UBE2E2: variants seen among roughly 807,000 people sequenced by gnomAD.
UBE2E2 encodes the protein ubiquitin-conjugating enzyme E2 E2.
A neutral mutation model predicts 24.7 loss-of-function variants in UBE2E2; 6 were observed. The ratio of observed to expected loss-of-function variants is 0.24; its 90% CI spans 0.13 to 0.48. UBE2E2 has a LOEUF of 0.48. Among genes scored for constraint, UBE2E2 ranks in the 20% least tolerant of loss-of-function variants. The pLI, the probability that UBE2E2 is intolerant of heterozygous loss-of-function variation, is 0.99. For synonymous variants in UBE2E2, 104 were observed against 83.6 expected (o/e 1.24, Z -1.33); for missense variants, 169 against 245.0 (o/e 0.69, Z 2.07).
At chr3:23,222,293 G>A (rs1696670602) in intron 3 of UBE2E2, among the ~76,000 whole-genome samples, 2 of 152,248 alleles carry the variant, frequency 1.3e-5, no homozygotes, top group Middle Eastern at 6.8e-3. Context: ...TATTGTGAAT[G>A]GTACTTGGGT....
At chr3:23,505,162 C>T (rs1408590181) in intron 4 of UBE2E2, among the ~76,000 whole-genome samples, 1 of 149,854 alleles carries the variant, frequency 6.7e-6, no homozygotes, top group Admixed American at 6.7e-5. Context: ...CTCAAGCAGT[C>T]TGCGCACTTT....
At chr3:23,539,862 A>T (rs1199855247) in intron 5 of UBE2E2, among the ~76,000 whole-genome samples, 1 of 152,302 alleles carries the variant, frequency 6.6e-6, no homozygotes, top group South Asian at 2.1e-4. Context: ...AATTTTAAGT[A>T]CATATAGGAA....
chr3:23,442,299 T>TAA (rs879794239), intron 3 of UBE2E2, among the ~76,000 whole-genome samples: 1 of 147,688 alleles, frequency 6.8e-6, no homozygotes, highest in African/African-American at 2.5e-5. Context: ...TTTCTAAATT[T>TAA]AAAAAAAAAA....
At chr3:23,435,791 G>A (rs1296408529) in intron 3 of UBE2E2, among the ~76,000 whole-genome samples, 2 of 152,148 alleles carry the variant, frequency 1.3e-5, no homozygotes, top group African/African-American at 4.8e-5. Flanking sequence ...TTCGCTAGGG[G>A]CCTTTATTCA....
At chr3:23,420,570 C>T (rs1697771472) in intron 3 of UBE2E2, among the ~76,000 whole-genome samples, 1 of 152,168 alleles carries the variant, frequency 6.6e-6, no homozygotes, top group Non-Finnish European at 1.5e-5. Flanking sequence ...ATGTCAGTGA[C>T]TGTTTCTTGT....
At chr3:23,581,568 C>T (rs183714523) in intron 5 of UBE2E2, among the ~76,000 whole-genome samples, 5 of 152,288 alleles carry the variant, frequency 3.3e-5, no homozygotes, top group South Asian at 4.1e-4. Flanking sequence ...CCATTATTCT[C>T]CCCATTTTGC....
chr3:23,569,578 T>C (rs1185687872), intron 5 of UBE2E2, among the ~76,000 whole-genome samples: 1 of 152,198 alleles, frequency 6.6e-6, no homozygotes, highest in African/African-American at 2.4e-5. Context: ...TAGAGCTTTT[T>C]GCAGTGGTAT....
chr3:23,278,991 C>A (rs1698429009), intron 3 of UBE2E2, among the ~76,000 whole-genome samples: 1 of 152,010 alleles, frequency 6.6e-6, no homozygotes, highest in South Asian at 2.1e-4. Flanking sequence ...ATTATCCCTT[C>A]TTTACTGTTC....
At chr3:23,477,883 A>C (rs182286580) in intron 3 of UBE2E2, among the ~76,000 whole-genome samples, 1 of 152,306 alleles carries the variant, frequency 6.6e-6, no homozygotes, top group Non-Finnish European at 1.5e-5. Flanking sequence ...AGTTCTCACA[A>C]GATCTAATGG....
chr3:23,264,820 A>G (rs898417685), intron 3 of UBE2E2, among the ~76,000 whole-genome samples: 1 of 152,208 alleles, frequency 6.6e-6, no homozygotes, highest in Non-Finnish European at 1.5e-5. Flanking sequence ...AATTGTATTC[A>G]TATTATTAAG....
intron 3 of UBE2E2, among the ~76,000 whole-genome samples, chr3:23,480,511 C>T (rs920217885): frequency 2.6e-5 from 4 of 152,122 alleles, no homozygotes; most frequent in Non-Finnish European, 2.9e-5. Context: ...ATCCCAGCCC[C>T]GACCGGTTCC....
chr3:23,353,859 G>C (rs1017145341), intron 3 of UBE2E2, among the ~76,000 whole-genome samples: 17 of 152,252 alleles, frequency 1.1e-4, no homozygotes, highest in South Asian at 8.3e-4. Context: ...CTACCAATGA[G>C]TTTCTTCACA....
intron 3 of UBE2E2, among the ~76,000 whole-genome samples, chr3:23,310,992 T>C (rs1037532115): frequency 3.3e-5 from 5 of 152,126 alleles, no homozygotes; most frequent in Non-Finnish European, 5.9e-5. Flanking sequence ...TATCTCCTAG[T>C]GCTATCCCTC....
chr3:23,217,882 G>A (rs1696521811), intron 3 of UBE2E2, among the ~76,000 whole-genome samples: 1 of 152,026 alleles, frequency 6.6e-6, no homozygotes, highest in Non-Finnish European at 1.5e-5. Flanking sequence ...AAAGAAAAGT[G>A]CTTACCTGGA....
At chr3:23,292,859 G>A (rs1433698547) in intron 3 of UBE2E2, among the ~76,000 whole-genome samples, 1 of 152,028 alleles carries the variant, frequency 6.6e-6, no homozygotes, top group Non-Finnish European at 1.5e-5. Context: ...GGATCACCTG[G>A]GGTCAGGGGT....
chr3:23,293,438 G>A (rs1236872258), intron 3 of UBE2E2, among the ~76,000 whole-genome samples: 1 of 152,106 alleles, frequency 6.6e-6, no homozygotes, highest in Non-Finnish European at 1.5e-5. Flanking sequence ...TATTGTGTCT[G>A]GCATATAGTA....
Position 23,477,810 on chromosome 3 carries a change from G to A in UBE2E2, c.228-21798G>A, listed in dbSNP as rs752937061. Among the ~76,000 whole-genome samples, 93 of 152,332 alleles carry A rather than the reference G, an allele frequency of 6.1e-4. 1 individual carries two copies. In the Middle Eastern group the frequency reaches 0.031, roughly 50 times the overall value. ...CCATAATCGACACATGTCATGGGAG[G>A]AACCCAGTGGGAGGTGATTGGATCA... On this transcript the variant is annotated intron_variant, in intron 3 of 5. Transcript: ENST00000396703.
intron 3 of UBE2E2, among the ~76,000 whole-genome samples, chr3:23,304,291 A>G (rs1699184584): frequency 6.6e-6 from 1 of 152,202 alleles, no homozygotes; most frequent in Non-Finnish European, 1.5e-5. Context: ...TTTGATGTCA[A>G]AAACCACTGT....
intron 3 of UBE2E2, among the ~76,000 whole-genome samples, chr3:23,458,546 T>C (rs1213443951): frequency 9.9e-5 from 15 of 151,966 alleles, no homozygotes; most frequent in Admixed American, 8.5e-4. Flanking sequence ...GCCTCCCGAG[T>C]AGCTGGGACC....
Sources: allele counts gnomAD v4.1 joint callset (sites outside exome capture counted in the v4.1 genomes callset), GRCh38; gene constraint gnomAD v4.1.1; transcripts MANE v1.5; gene names NCBI Gene and HGNC (gene_info 2026-07-23, HGNC 2026-07-21).